Variants in CSMD1 observed in about 807,000 individuals in gnomAD.
CSMD1 encodes the protein CUB and Sushi multiple domains 1, also known as CUB and sushi domain-containing protein 1.
CSMD1 carries 213 observed loss-of-function variants against 417.5 expected under a neutral mutation model. The observed-to-expected ratio is 0.51, with a 90% confidence interval of 0.46 to 0.57. The LOEUF (loss-of-function observed/expected upper bound fraction) is 0.57, where lower values mean the gene tolerates loss of function less well. CSMD1 is among the 20% of genes least tolerant of loss of function. CSMD1 has a pLI of 0.00. For synonymous variants in CSMD1, 2,862 were observed against 1,736.8 expected (o/e 1.65, Z -16.11); for missense variants, 6,923 against 4,529.7 (o/e 1.53, Z -15.17).
chr8:3,942,637 G>T (rs1011246551), intron 5 of CSMD1, among the ~76,000 whole-genome samples: 1 of 152,148 alleles, frequency 6.6e-6, no homozygotes, highest in Non-Finnish European at 1.5e-5. Flanking sequence ...TTACTGGTTA[G>T]CCTCAGTTTA....
intron 3 of CSMD1, among the ~76,000 whole-genome samples, chr8:4,409,836 C>A (rs1211292040): frequency 6.6e-6 from 1 of 152,032 alleles, no homozygotes; most frequent in Non-Finnish European, 1.5e-5. Context: ...GTCTTTGAGA[C>A]AGAGTCTCAC....
intron 3 of CSMD1, among the ~76,000 whole-genome samples, chr8:4,398,558 C>G (rs961318106): frequency 4.6e-5 from 7 of 151,394 alleles, no homozygotes; most frequent in Non-Finnish European, 8.8e-5. Flanking sequence ...CATGCCCGGC[C>G]AAATTTTTTT....
At chr8:3,850,874 T>C (rs1313022119) in intron 5 of CSMD1, among the ~76,000 whole-genome samples, 1 of 152,178 alleles carries the variant, frequency 6.6e-6, no homozygotes, top group Admixed American at 6.6e-5. Context: ...AAAGAATTTA[T>C]TTCAGCATTA....
chr8:3,531,347 T>C (rs935433267), intron 10 of CSMD1, among the ~76,000 whole-genome samples: 2 of 152,158 alleles, frequency 1.3e-5, no homozygotes, highest in African/African-American at 2.4e-5. Flanking sequence ...TTAGCCCCTA[T>C]CCGACTTATG....
chr8:3,187,911 C>T lies in CSMD1; in HGVS notation c.5578G>A (p.Asp1860Asn), dbSNP rs1457306398. Residue 1860 changes from aspartate to asparagine, a missense_variant, in exon 36 of 70, where the codon GAT becomes AAT. By Grantham distance (23) the Asp-to-Asn change is conservative (BLOSUM62 1). Transcript: ENST00000635120. ...CTGGGTGCGGTCACATCCCCACCAT[C>T]GTGGATCTCAAGGGAGTCCCAGTTC... ...EQNWDSLEIH[D>N]GGDVTAPRLG... The T allele has an allele frequency of 2.5e-6, 4 of 1,613,196 alleles. No individual in the cohort carries two copies. Among genetic ancestry groups the T allele is most frequent in the Non-Finnish European group, 3.4e-6 (4 of 1,179,606 alleles).
chr8:4,737,573 G>A (rs575329841), intron 1 of CSMD1, among the ~76,000 whole-genome samples: 47 of 152,204 alleles, frequency 3.1e-4, no homozygotes, highest in Non-Finnish European at 6.3e-4. Flanking sequence ...GTTATTGCCA[G>A]CAAAGACTCA....
At chr8:4,194,432 A>C (rs1419904050) in intron 3 of CSMD1, among the ~76,000 whole-genome samples, 1 of 152,184 alleles carries the variant, frequency 6.6e-6, no homozygotes, top group East Asian at 1.9e-4. Context: ...AATATCTAAC[A>C]ATAAATGGTG....
At chr8:4,614,793 T>G (rs575539587) in intron 2 of CSMD1, among the ~76,000 whole-genome samples, 1 of 152,314 alleles carries the variant, frequency 6.6e-6, no homozygotes, top group South Asian at 2.1e-4. Flanking sequence ...CTGTAGAATT[T>G]AAAATGCATA....
rs545140633 is a variant in CSMD1 at position 4,149,428 on chromosome 8, G to A, written c.416-117329C>T. On this transcript the variant is annotated intron_variant, in intron 3 of 69. Coordinates refer to ENST00000635120, the MANE Select transcript of CSMD1 (RefSeq NM_033225.6). ...CCATAGCTCTGAGCAATATTTGAAC[G>A]GTATTTCTACATAAGGGCCAATAAA... is the stretch of plus-strand genomic sequence containing the variant. 5.3e-5 allele frequency among the ~76,000 whole-genome samples: 8 copies of A among 152,122 alleles called. No individual in the cohort carries two copies. The South Asian group carries it at 6.2e-4, about 12-fold the overall frequency.
chr8:3,293,083 T>G (rs186800641), intron 25 of CSMD1, among the ~76,000 whole-genome samples: 176 of 152,298 alleles, frequency 1.2e-3, no homozygotes, highest in African/African-American at 4.0e-3. Context: ...CCTTCACTTA[T>G]GAAGCTTAGT....
chr8:2,986,063 G>C (rs547749293), intron 54 of CSMD1, among the ~76,000 whole-genome samples: 32 of 142,798 alleles, frequency 2.2e-4, no homozygotes, highest in Non-Finnish European at 4.5e-4. Context: ...AAGGAAGGAA[G>C]GAAAGAAGGG....
chr8:3,027,472 T>G (rs1029453078), intron 51 of CSMD1, among the ~76,000 whole-genome samples: 2 of 152,130 alleles, frequency 1.3e-5, no homozygotes, highest in Non-Finnish European at 2.9e-5. Flanking sequence ...GGCCAAAGTG[T>G]CACAACCTGA....
At chr8:3,672,962 T>C (rs932744518) in intron 7 of CSMD1, among the ~76,000 whole-genome samples, 9 of 152,220 alleles carry the variant, frequency 5.9e-5, no homozygotes, top group Non-Finnish European at 2.9e-5. Flanking sequence ...TATCTCGTTA[T>C]TCCTATGCCT....
At chr8:3,750,592 A>G (rs1317141616) in intron 6 of CSMD1, among the ~76,000 whole-genome samples, 3 of 152,156 alleles carry the variant, frequency 2.0e-5, no homozygotes, top group Non-Finnish European at 4.4e-5. Flanking sequence ...GTACAATACA[A>G]TTTGGGCTTC....
chr8:4,626,173 G>T (rs150722893), intron 2 of CSMD1, among the ~76,000 whole-genome samples: 4 of 152,122 alleles, frequency 2.6e-5, no homozygotes, highest in Non-Finnish European at 4.4e-5. Context: ...GTTTTCAGCA[G>T]GCCAAGGTTT....
intron 26 of CSMD1, among the ~76,000 whole-genome samples, chr8:3,236,701 T>C (rs1347409448): frequency 1.3e-5 from 2 of 152,220 alleles, no homozygotes; most frequent in Non-Finnish European, 2.9e-5. Flanking sequence ...TATTCTTTTA[T>C]GTGCCACATC....
intron 5 of CSMD1, among the ~76,000 whole-genome samples, chr8:3,979,018 A>T (rs951431908): frequency 6.6e-6 from 1 of 152,218 alleles, no homozygotes; most frequent in Non-Finnish European, 1.5e-5. Flanking sequence ...AAAAGAACAA[A>T]GATGCTGCAC....
intron 7 of CSMD1, among the ~76,000 whole-genome samples, chr8:3,643,651 A>G (rs530320736): frequency 2.4e-4 from 35 of 143,818 alleles, no homozygotes; most frequent in African/African-American, 8.3e-4. Flanking sequence ...CAGTGAGCCG[A>G]GATCGCGCCA....
At chr8:4,622,394 C>A (rs1474113110) in intron 2 of CSMD1, among the ~76,000 whole-genome samples, 2 of 152,078 alleles carry the variant, frequency 1.3e-5, no homozygotes, top group African/African-American at 2.4e-5. Flanking sequence ...TCTGTGGGAC[C>A]TTCTGGCGAG....
Sources: gnomAD v4.1 joint callset for allele counts (sites outside exome capture counted in the v4.1 genomes callset) on GRCh38, gnomAD v4.1.1 for gene constraint, MANE v1.5 for transcripts, NCBI Gene and HGNC (gene_info 2026-07-23, HGNC 2026-07-21) for gene names.